FRZB: variants seen among roughly 807,000 people sequenced by gnomAD.
FRZB encodes the protein secreted frizzled-related protein 3.
In FRZB, 34 loss-of-function variants were observed where a neutral mutation model predicts 32.5. That is an observed-to-expected ratio of 1.05 (90% CI 0.80 to 1.39). The LOEUF is 1.39. FRZB is among the 40% of genes most tolerant of loss of function. The probability of loss-of-function intolerance (pLI) is 0.00; values close to 1 mark genes in which losing one functional copy is unlikely to be tolerated. For missense variants in FRZB, 423 were observed against 424.8 expected (o/e 1.00, Z 0.04); for synonymous variants, 170 against 159.2 (o/e 1.07, Z -0.51).
chr2:182,859,951 A>T (rs995533958), intron 1 of FRZB, among the ~76,000 whole-genome samples: 1 of 152,246 alleles, frequency 6.6e-6, no homozygotes. Flanking sequence ...CAAGTATTAC[A>T]GTAACGTGCC....
chr2:182,834,613 G>A lies in FRZB; in HGVS notation c.*236C>T. 2.1e-6 allele frequency: 1 copy of A among 483,426 alleles called. No homozygotes were observed. Among genetic ancestry groups the A allele is most frequent in the South Asian group, 3.8e-5 (1 of 26,134 alleles). 29.9% of individuals were successfully genotyped at this position (483,426 alleles called of 1,614,324 possible). A position where few individuals can be genotyped will look rare whatever the true frequency, so the allele number is the denominator to read the frequency against. ...AAAAGAACAGTTTTTCTCATGATTAGTGAAATAGAAAACTCACAATATACT... is the reference window on the plus strand; with the variant it reads ...AAAAGAACAGTTTTTCTCATGATTAATGAAATAGAAAACTCACAATATACT... On this transcript the variant is annotated 3_prime_UTR_variant, in exon 6 of 6. Coordinates refer to ENST00000295113, the MANE Select transcript of FRZB (RefSeq NM_001463.4).
Position 182,834,818 on chromosome 2 carries a change from G to A in FRZB, c.*31C>T. 1 of 1,479,064 alleles carries A rather than the reference G, an allele frequency of 6.8e-7. No homozygotes were observed. Among genetic ancestry groups the A allele is most frequent in the South Asian group, 1.1e-5 (1 of 88,314 alleles). The allele number at this position is 1,479,064 out of a possible 1,614,324, so 91.6% of individuals were successfully genotyped here. Reference sequence around the variant, plus strand: ...CAATGCAAGTAAGTCTTAATAGGAAGTCCACTGTGTTACTTTTTGTATTTC... The same window carrying A: ...CAATGCAAGTAAGTCTTAATAGGAAATCCACTGTGTTACTTTTTGTATTTC... On this transcript the variant is annotated 3_prime_UTR_variant, in exon 6 of 6. Coordinates refer to ENST00000295113, the MANE Select transcript of FRZB (RefSeq NM_001463.4).
chr2:182,866,145 G>A lies in FRZB; in HGVS notation c.408C>T (p.Cys136=). ...YRHSWPENLA[C]EELPVYDRGV... ...CCCTGTCGTACACTGGCAGCTCCTC[G>A]CAGGCCAGGTTCTCCGGCCACGAGT... The change falls in exon 1 of 6, where the codon TGC becomes TGT. Residue 136 remains cysteine, a synonymous_variant. Coordinates refer to ENST00000295113, the MANE Select transcript of FRZB (RefSeq NM_001463.4). The surrounding 1 kb of genome is among the most constrained non-coding windows in gnomAD (Gnocchi z 4.5). 6.2e-7 allele frequency: 1 copy of A among 1,614,064 alleles called. No individual in the cohort carries two copies. Among genetic ancestry groups the A allele is most frequent in the Non-Finnish European group, 8.5e-7 (1 of 1,179,994 alleles).
chr2:182,856,042 A>C (rs1244733718), intron 2 of FRZB, among the ~76,000 whole-genome samples: 1 of 152,152 alleles, frequency 6.6e-6, no homozygotes, highest in Non-Finnish European at 1.5e-5. Context: ...CAGTGAAAAT[A>C]TCCTTTAGGA....
intron 5 of FRZB, among the ~76,000 whole-genome samples, chr2:182,837,000 T>C (rs1291743558): frequency 6.6e-6 from 1 of 152,008 alleles, no homozygotes; most frequent in African/African-American, 2.4e-5. Context: ...GGTGTTTAAC[T>C]TACCATGTAA....
In FRZB at chr2:182,866,563, G is replaced by A. The variant is rs1695895967; in HGVS notation, c.-11C>T. 6.9e-7 allele frequency: 1 copy of A among 1,441,776 alleles called. No individual in the cohort carries two copies. The highest frequency in any genetic ancestry group is 1.4e-5 in the African/African-American group (1 of 69,994). The allele number at this position is 1,441,776 out of a possible 1,614,324, so 89.3% of individuals were successfully genotyped here. On this transcript the variant is annotated 5_prime_UTR_variant, in exon 1 of 6. Transcript: ENST00000295113. This position sits in a 1 kb window ranked among gnomAD's most constrained non-coding sequence, Gnocchi z 4.5. ...GCTGCCGCAGACCATGATCCCGGCA[G>A]GATGGGGCAGGGTGCAGCCGCGCAG...
Position 182,865,922 on chromosome 2 carries a change from AAAG to A in FRZB, c.478+150_478+152del, listed in dbSNP as rs767401281. Among the ~76,000 whole-genome samples the A allele has an allele frequency of 8.8e-4, 134 of 152,304 alleles. No individual in the cohort carries two copies. In the Middle Eastern group the frequency reaches 0.01, roughly 12 times the overall value. On this transcript the variant is annotated intron_variant, in intron 1 of 5. Transcript: ENST00000295113. ...TTGTTTTTGTTTTTGAAAAAAGAAGAAAGAAGAAGAAGGGTCTTTGATAGAGGA... is the reference window on the plus strand; with the variant it reads ...TTGTTTTTGTTTTTGAAAAAAGAAGAAAGAAGAAGGGTCTTTGATAGAGGA...
chr2:182,850,284 T>C (rs1695695984), intron 2 of FRZB, among the ~76,000 whole-genome samples: 1 of 152,238 alleles, frequency 6.6e-6, no homozygotes, highest in Non-Finnish European at 1.5e-5. Flanking sequence ...TTGTTAACTA[T>C]AGTCTCCATA....
chr2:182,859,118 T>G (rs1695802711), intron 1 of FRZB, among the ~76,000 whole-genome samples: 1 of 152,054 alleles, frequency 6.6e-6, no homozygotes, highest in Non-Finnish European at 1.5e-5. Context: ...AATTTGTAAA[T>G]GATAAGCATC....
At position 182,866,535 on chromosome 2, in the gene FRZB, C is replaced by T. The variant is rs200493774; in HGVS notation, c.18G>A (p.Pro6=). The change falls in exon 1 of 6, where the codon CCG becomes CCA. Residue 6 remains proline, a synonymous_variant. Coordinates refer to ENST00000295113, the MANE Select transcript of FRZB (RefSeq NM_001463.4). The surrounding 1 kb of genome is among the most constrained non-coding windows in gnomAD (Gnocchi z 4.5). Reference sequence around the variant, plus strand: ...CGGCCCGCAGCAGCAGCATCCCTCCCGGGCTGCCGCAGACCATGATCCCGG... The same window carrying T: ...CGGCCCGCAGCAGCAGCATCCCTCCTGGGCTGCCGCAGACCATGATCCCGG... The part of the protein sequence containing the change: MVCGS[P]GGMLLLRAGL... 1.4e-6 allele frequency: 2 copies of T among 1,465,192 alleles called. No individual in the cohort carries two copies. Among genetic ancestry groups the T allele is most frequent in the East Asian group, 4.9e-5 (2 of 40,704 alleles). The allele number at this position is 1,465,192 out of a possible 1,614,324, so 90.8% of individuals were successfully genotyped here.
Position 182,866,271 on chromosome 2 carries a change from G to T in FRZB, c.282C>A (p.Pro94=). The T allele has an allele frequency of 6.2e-7, 1 of 1,614,224 alleles. No individual in the cohort carries two copies. Among genetic ancestry groups the T allele is most frequent in the Non-Finnish European group, 8.5e-7 (1 of 1,180,042 alleles). The change falls in exon 1 of 6, where the codon CCC becomes CCA. Residue 94 remains proline (P), a synonymous_variant. Coordinates refer to ENST00000295113, the MANE Select transcript of FRZB (RefSeq NM_001463.4). The surrounding 1 kb of genome is among the most constrained non-coding windows in gnomAD (Gnocchi z 4.5). ...CGTGCTGGAAGTCAATGGTGCAGATGGGCGCGTACATGGCACAGAGGAAGA... is the reference window on the plus strand; with the variant it reads ...CGTGCTGGAAGTCAATGGTGCAGATTGGCGCGTACATGGCACAGAGGAAGA... ...LLFFLCAMYA[P]ICTIDFQHEP... is the part of the protein sequence containing the mutation.
intron 2 of FRZB, among the ~76,000 whole-genome samples, chr2:182,857,941 A>T (rs1209190094): frequency 2.0e-5 from 3 of 152,218 alleles, no homozygotes; most frequent in Non-Finnish European, 2.9e-5. Context: ...AATGCAATTT[A>T]AAACCATGAT....
At chr2:182,840,457 C>A (rs1334797234) in intron 3 of FRZB, among the ~76,000 whole-genome samples, 4 of 152,098 alleles carry the variant, frequency 2.6e-5, no homozygotes, top group African/African-American at 9.7e-5. Flanking sequence ...ACAAGACCTA[C>A]TTTTTCACTC....
At chr2:182,862,075 T>G (rs1313604565) in intron 1 of FRZB, among the ~76,000 whole-genome samples, 1 of 152,242 alleles carries the variant, frequency 6.6e-6, no homozygotes, top group East Asian at 1.9e-4. Flanking sequence ...TAATTCTTCC[T>G]TCTTGGTACT....
At chr2:182,865,957 A>G in intron 1 of FRZB, 118 bp downstream of exon 1, 1 of 760,418 alleles carries the variant, frequency 1.3e-6, no homozygotes, top group South Asian at 1.8e-5. Context: ...AGGAGCAGTT[A>G]TGGGAGAGAT....
At chr2:182,858,423 T>C (rs1318335362) in intron 2 of FRZB, among the ~76,000 whole-genome samples, 1 of 152,078 alleles carries the variant, frequency 6.6e-6, no homozygotes, top group African/African-American at 2.4e-5. Context: ...AAAACTATAG[T>C]GATAAAGAAA....
At chr2:182,835,063 C>CTGAA in intron 5 of FRZB, 98 bp from the exon 6 acceptor site, 1 of 860,000 alleles carries the variant, frequency 1.2e-6, no homozygotes, top group Non-Finnish European at 1.9e-6. Context: ...GTTCAGATCT[C>CTGAA]TGAAGCATTT....
At position 182,834,878 on chromosome 2, in the gene FRZB, T is replaced by C; in HGVS notation, c.949A>G (p.Asn317Asp). The change falls in exon 6 of 6, where the codon AAC becomes GAC. Residue 317 changes from asparagine (N) to aspartate (D), a missense_variant. Transcript: ENST00000295113. ...TTGCGTGCTTGCCGGGGGTTCGAGT[T>C]CCTGCCAGACTTCTGACTCTGAGTG... ...DSTQSQKSGR[N>D]SNPRQARN The C allele has an allele frequency of 6.2e-7, 1 of 1,613,516 alleles. No homozygotes were observed. The highest frequency in any genetic ancestry group is 8.5e-7 in the Non-Finnish European group (1 of 1,179,642).
Position 182,866,511 on chromosome 2 carries a change from G to T in FRZB, c.42C>A (p.Ala14=). ...AGAGAGCAGCCAGGGCAAGCAGCCC[G>T]GCCCGCAGCAGCAGCATCCCTCCCG... is the stretch of plus-strand genomic sequence containing the variant. ...GSPGGMLLLR[A]GLLALAALCL... The change falls in exon 1 of 6, where the codon GCC becomes GCA. Residue 14 remains alanine, a synonymous_variant. Transcript: ENST00000295113. This position sits in a 1 kb window ranked among gnomAD's most constrained non-coding sequence, Gnocchi z 4.5. 3 of 1,501,754 alleles carry T rather than the reference G, an allele frequency of 2.0e-6. No homozygotes were observed. The highest frequency in any genetic ancestry group is 2.7e-6 in the Non-Finnish European group (3 of 1,126,322). 93.0% of individuals were successfully genotyped at this position (1,501,754 alleles called of 1,614,324 possible).
Sources: gnomAD v4.1 joint callset for allele counts (sites outside exome capture counted in the v4.1 genomes callset) on GRCh38, gnomAD v4.1.1 for gene constraint, Gnocchi (gnomAD v3.1) non-coding constraint, MANE v1.5 for transcripts, NCBI Gene and HGNC (gene_info 2026-07-23, HGNC 2026-07-21) for gene names.